APAF1: variants seen among roughly 807,000 people sequenced by gnomAD.
APAF1 encodes the protein apoptotic peptidase activating factor 1, also known as apoptotic protease-activating factor 1.
Under a neutral mutation model 152.4 loss-of-function variants are expected in APAF1, and 91 were observed. The ratio of observed to expected loss-of-function variants is 0.60; its 90% CI spans 0.50 to 0.71. The LOEUF (loss-of-function observed/expected upper bound fraction) is 0.71, where lower values mean the gene tolerates loss of function less well. Among genes scored for constraint, APAF1 ranks in the 30% least tolerant of loss-of-function variants. APAF1 has a pLI of 0.00. For synonymous variants in APAF1, 484 were observed against 494.1 expected, an observed-to-expected ratio of 0.98 and a Z score of 0.27; for missense variants, 1,283 against 1,472.0, an observed-to-expected ratio of 0.87 and a Z score of 2.10.
intron 21 of APAF1, among the ~76,000 whole-genome samples, chr12:98,714,840 T>C (rs2097732103): frequency 6.6e-6 from 1 of 151,498 alleles, no homozygotes; most frequent in South Asian, 2.1e-4. Flanking sequence ...AGCCTTTTTT[T>C]TTCTTTTTTT....
rs1258553364 is a variant in APAF1 at position 98,645,330 on chromosome 12, C to T, written c.-547C>T. 1 of 152,392 alleles carries T rather than the reference C, an allele frequency of 6.6e-6. No individual in the cohort carries two copies. Among genetic ancestry groups the T allele is most frequent in the Non-Finnish European group, 1.5e-5 (1 of 68,146 alleles). 9.4% of individuals were successfully genotyped at this position (152,392 alleles called of 1,614,324 possible). On this transcript the variant is annotated 5_prime_UTR_variant, in exon 1 of 27. Transcript: ENST00000551964. ...GAGGTAGCGAGTGGACGTGACTGCTCTATCCCGGGCAAAAGGGATAGAACC... is the reference window on the plus strand; with the variant it reads ...GAGGTAGCGAGTGGACGTGACTGCTTTATCCCGGGCAAAAGGGATAGAACC...
rs531234238 is a variant in APAF1 at position 98,656,812 on chromosome 12, G to A, written c.527-2348G>A. ...CTTTAGCACCAGGAAATGGGTGGGC[G>A]TTGTTCTTGCTCTCTGTTGTCTCAT... is the stretch of plus-strand genomic sequence containing the variant. On this transcript the variant is annotated intron_variant, in intron 4 of 26. Coordinates refer to ENST00000551964, the MANE Select transcript of APAF1 (RefSeq NM_181861.2). 5.7e-4 allele frequency among the ~76,000 whole-genome samples: 87 copies of A among 152,292 alleles called. No individual in the cohort carries two copies. In the South Asian group the frequency reaches 0.012, roughly 22 times the overall value.
chr12:98,645,567 G>C lies in APAF1; in HGVS notation c.-310G>C, dbSNP rs565597531. 72 of 152,600 alleles carry C rather than the reference G, an allele frequency of 4.7e-4. No homozygotes were observed. Among genetic ancestry groups the C allele is most frequent in the Middle Eastern group, 6.8e-3 (2 of 296 alleles). 9.5% of individuals were successfully genotyped at this position (152,600 alleles called of 1,614,324 possible). A position where few individuals can be genotyped will look rare whatever the true frequency, so the allele number is the denominator to read the frequency against. ...TCACCGCGGCGCTCCGGGACTGTGG[G>C]GTCAGGCTGCGTTGGGTGGACGCCC... On this transcript the variant is annotated 5_prime_UTR_variant, in exon 1 of 27. Coordinates refer to ENST00000551964, the MANE Select transcript of APAF1 (RefSeq NM_181861.2).
In APAF1 at chr12:98,706,603, C is replaced by T; in HGVS notation, c.2714C>T (p.Thr905Ile). The change falls in exon 19 of 27, where the codon ACA (threonine) becomes ATA (isoleucine). Residue 905 changes from threonine to isoleucine, a missense_variant. Thr to Ile is a moderately conservative substitution (Grantham distance 89). Coordinates refer to ENST00000551964, the MANE Select transcript of APAF1 (RefSeq NM_181861.2). ...SSFLTSSDDQTIRLWETKKVC... is the reference protein window; with the variant it reads ...SSFLTSSDDQIIRLWETKKVC... Reference sequence around the variant, plus strand: ...TTTTTGACATCTTCTGATGACCAGACAATCAGGGTGAGAAATATTGAGATT... The same window carrying T: ...TTTTTGACATCTTCTGATGACCAGATAATCAGGGTGAGAAATATTGAGATT... The T allele has an allele frequency of 6.2e-7, 1 of 1,613,940 alleles. No homozygotes were observed. The highest frequency in any genetic ancestry group is 8.5e-7 in the Non-Finnish European group (1 of 1,179,902).
chr12:98,711,651 G>A (rs185269114), intron 20 of APAF1, among the ~76,000 whole-genome samples: 52 of 152,282 alleles, frequency 3.4e-4, no homozygotes, highest in Admixed American at 7.8e-4. Context: ...ACTGATTTAA[G>A]CTTGAGAAAT....
intron 26 of APAF1, among the ~76,000 whole-genome samples, chr12:98,731,705 A>G (rs931827692): frequency 6.6e-6 from 1 of 152,194 alleles, no homozygotes; most frequent in Non-Finnish European, 1.5e-5. Flanking sequence ...CCTTTTCAGA[A>G]TAAGTTTACA....
chr12:98,683,208 C>T lies in APAF1; in HGVS notation c.2112C>T (p.Cys704=). Residue 704 remains cysteine, a synonymous_variant, in exon 15 of 27, where the codon TGC becomes TGT. Transcript: ENST00000551964. The part of the protein sequence containing the change: ...TYDEHSEQVN[C]CHFTNSSHHL... ...ATGAGCACTCAGAGCAAGTCAATTG[C>T]TGCCATTTCACCAACAGTAGTCATC... is the stretch of plus-strand genomic sequence containing the variant. 2 of 1,613,448 alleles carry T rather than the reference C, an allele frequency of 1.2e-6. No individual in the cohort carries two copies. The highest frequency in any genetic ancestry group is 1.7e-6 in the Non-Finnish European group (2 of 1,179,472).
At chr12:98,727,417 G>A in intron 26 of APAF1, 101 bp downstream of exon 26, 4 of 1,391,006 alleles carry the variant, frequency 2.9e-6, no homozygotes, top group South Asian at 2.4e-5. Context: ...TTACAACCCA[G>A]CAGAGTAAAA....
intron 22 of APAF1, among the ~76,000 whole-genome samples, chr12:98,717,656 A>C (rs953199930): frequency 1.3e-5 from 2 of 152,168 alleles, no homozygotes; most frequent in Non-Finnish European, 2.9e-5. Flanking sequence ...GATTACAGGC[A>C]TGAGCCACTG....
At chr12:98,654,137 T>C (rs1263792934) in intron 4 of APAF1, among the ~76,000 whole-genome samples, 2 of 152,180 alleles carry the variant, frequency 1.3e-5, no homozygotes, top group East Asian at 1.9e-4. Flanking sequence ...CTTTCTGAAA[T>C]GTGGAATTAA....
chr12:98,678,003 T>A (rs1010069680), intron 13 of APAF1, among the ~76,000 whole-genome samples: 6 of 151,616 alleles, frequency 4.0e-5, no homozygotes, highest in African/African-American at 1.4e-4. Flanking sequence ...AGATTCCCTT[T>A]GTTTTCAGAA....
intron 22 of APAF1, among the ~76,000 whole-genome samples, chr12:98,721,874 T>G (rs2097743429): frequency 6.6e-6 from 1 of 152,240 alleles, no homozygotes. Context: ...AAGATATTTC[T>G]GCTGTTTAGC....
chr12:98,662,825 T>A lies in APAF1; in HGVS notation c.955+19T>A. 6.2e-7 allele frequency: 1 copy of A among 1,601,098 alleles called. No homozygotes were observed. Among genetic ancestry groups the A allele is most frequent in the Admixed American group, 1.7e-5 (1 of 59,902 alleles). On this transcript the variant is annotated intron_variant, in intron 7 of 26. Coordinates refer to ENST00000551964, the MANE Select transcript of APAF1 (RefSeq NM_181861.2). The stretch of plus-strand genomic sequence containing the variant: ...TGTAAAGGTATGGTTATTTATTTGT[T>A]TATGAGGAGATTATAGGGAGTTATA...
intron 16 of APAF1, among the ~76,000 whole-genome samples, chr12:98,699,161 G>T (rs1376077573): frequency 6.6e-6 from 1 of 152,150 alleles, no homozygotes; most frequent in East Asian, 1.9e-4. Context: ...CACCATGCAA[G>T]ACTCTTAACT....
intron 24 of APAF1, among the ~76,000 whole-genome samples, chr12:98,724,655 C>T (rs1271702542): frequency 6.6e-6 from 1 of 152,206 alleles, no homozygotes; most frequent in East Asian, 1.9e-4. Flanking sequence ...GTTAGCTGCT[C>T]TACCTCCAGT....
rs2097768260 is a variant in APAF1 at position 98,735,405 on chromosome 12, T to A, written c.*2839T>A. On this transcript the variant is annotated 3_prime_UTR_variant, in exon 27 of 27. Transcript: ENST00000551964. Reference sequence around the variant, plus strand: ...TGAATTTAAAAAATTTTTGTAAAAATAAAATTCACAAAATTGTTTTGAAAA... The same window carrying A: ...TGAATTTAAAAAATTTTTGTAAAAAAAAAATTCACAAAATTGTTTTGAAAA... 4.7e-6 allele frequency: 2 copies of A among 427,740 alleles called. No homozygotes were observed. Among genetic ancestry groups the A allele is most frequent in the African/African-American group, 2.0e-5 (1 of 49,898 alleles). 26.5% of individuals were successfully genotyped at this position (427,740 alleles called of 1,614,324 possible).
chr12:98,665,255 C>CATATAT (rs35804742), intron 7 of APAF1, among the ~76,000 whole-genome samples: 979 of 97,830 alleles, frequency 0.01, 29 homozygotes, highest in Non-Finnish European at 0.017. Context: ...TAGACTGGCG[C>CATATAT]ATATATATAT....
chr12:98,671,128 T>C, intron 11 of APAF1, 42 bp downstream of exon 11: 1 of 1,218,518 alleles, frequency 8.2e-7, no homozygotes, highest in Non-Finnish European at 1.2e-6. Context: ...AAAAGGAATC[T>C]CATTTTTTTT....
intron 12 of APAF1, among the ~76,000 whole-genome samples, chr12:98,677,202 G>A (rs2097687515): frequency 1.3e-5 from 2 of 152,108 alleles, no homozygotes; most frequent in African/African-American, 4.8e-5. Context: ...CACGTGACAG[G>A]TTGCTTGATA....
Sources: allele counts gnomAD v4.1 joint callset (sites outside exome capture counted in the v4.1 genomes callset), GRCh38; gene constraint gnomAD v4.1.1; transcripts MANE v1.5; gene names NCBI Gene and HGNC (gene_info 2026-07-23, HGNC 2026-07-21).